COL5A2: variants seen among roughly 807,000 people sequenced by gnomAD.
COL5A2 encodes collagen alpha-2(V) chain.
Under a neutral mutation model 208.2 loss-of-function variants are expected in COL5A2, and 23 were observed. The ratio of observed to expected loss-of-function variants is 0.11; its 90% confidence interval spans 0.08 to 0.16. COL5A2 has a LOEUF of 0.16. Ranked by LOEUF, COL5A2 falls within the 10% of genes least tolerant of loss-of-function variation. COL5A2 has a pLI of 1.00. For missense variants in COL5A2, 1,590 were observed against 1,956.4 expected, an observed-to-expected ratio of 0.81 and a Z score of 3.53; for synonymous variants, 625 against 628.5, an observed-to-expected ratio of 0.99 and a Z score of 0.08.
At chr2:189,431,205 C>G in the COL5A2 span, among the ~76,000 whole-genome samples, 1 of 152,056 alleles carries the variant, frequency 6.6e-6, no homozygotes, top group Admixed American at 6.6e-5. Flanking sequence ...ACATCAAAGA[C>G]CAAAGGTAGA....
Position 189,050,589 on chromosome 2 carries a change from G to A in COL5A2, c.3019C>T (p.Pro1007Ser), listed in dbSNP as rs1388564782. 5.8e-6 allele frequency: 9 copies of A among 1,551,716 alleles called. No homozygotes were observed. In the Admixed American group the frequency reaches 1.6e-4, roughly 27 times the overall value. ...MPGQRGERGM[P>S]GLPGPAGTPG... ...CTCACCGCTGGGCCTGGTAGGCCGGGCATGCCTCTCTCTCCACGTTGCCCA... is the reference window on the plus strand; with the variant it reads ...CTCACCGCTGGGCCTGGTAGGCCGGACATGCCTCTCTCTCCACGTTGCCCA... Residue 1007 changes from proline (P) to serine (S), a missense_variant, in exon 43 of 54, where the codon CCC (proline) becomes TCC (serine). Transcript: ENST00000374866.
chr2:189,034,736 C>T (rs1337042823), intron 53 of COL5A2, among the ~76,000 whole-genome samples, 180 bp downstream of exon 53: 3 of 152,112 alleles, frequency 2.0e-5, no homozygotes, highest in Non-Finnish European at 4.4e-5. Flanking sequence ...TGGATTCAAA[C>T]CTCTATCATG....
intron 1 of COL5A2, among the ~76,000 whole-genome samples, chr2:189,120,747 A>G (rs1459015763): frequency 1.3e-5 from 2 of 152,196 alleles, no homozygotes; most frequent in Non-Finnish European, 2.9e-5. Context: ...AGAATATACC[A>G]GCCATAATAA....
At chr2:189,125,689 A>G (rs1218487592) in intron 1 of COL5A2, among the ~76,000 whole-genome samples, 1 of 152,132 alleles carries the variant, frequency 6.6e-6, no homozygotes, top group Non-Finnish European at 1.5e-5. Flanking sequence ...TAACACAAAC[A>G]ACATATAAAA....
intron 1 of COL5A2, among the ~76,000 whole-genome samples, chr2:189,169,197 A>G (rs1192657161): frequency 6.6e-6 from 1 of 152,202 alleles, no homozygotes; most frequent in African/African-American, 2.4e-5. Context: ...AGAGACTTCT[A>G]TGATTATCAT....
At chr2:189,315,232 C>T in the COL5A2 span, among the ~76,000 whole-genome samples, 1 of 152,160 alleles carries the variant, frequency 6.6e-6, no homozygotes, top group Admixed American at 6.6e-5. Context: ...ATAGCTGATC[C>T]ACCACAATCA....
At chr2:189,230,688 ATAAC>A in the COL5A2 span, among the ~76,000 whole-genome samples, 1 of 151,922 alleles carries the variant, frequency 6.6e-6, no homozygotes, top group Non-Finnish European at 1.5e-5. Context: ...ATAACAGAAA[ATAAC>A]TAGTGTTAGC....
chr2:189,238,971 T>G, the COL5A2 span, among the ~76,000 whole-genome samples: 1 of 152,188 alleles, frequency 6.6e-6, no homozygotes, highest in Non-Finnish European at 1.5e-5. Flanking sequence ...TATTATACTC[T>G]GTTTAAAATA....
At chr2:189,425,879 A>G in the COL5A2 span, among the ~76,000 whole-genome samples, 1 of 152,080 alleles carries the variant, frequency 6.6e-6, no homozygotes, top group Non-Finnish European at 1.5e-5. Context: ...CTATAATTGC[A>G]CATTTCCTGA....
the COL5A2 span, chr2:189,311,736 A>G: frequency 1.3e-6 from 1 of 767,692 alleles, no homozygotes; most frequent in Admixed American, 1.7e-5. Flanking sequence ...CAATCTGCTG[A>G]GACCAGTACT....
intron 1 of COL5A2, among the ~76,000 whole-genome samples, chr2:189,203,715 C>A (rs1689107511): frequency 6.6e-6 from 1 of 152,074 alleles, no homozygotes; most frequent in Non-Finnish European, 1.5e-5. Flanking sequence ...ACTGGTGACT[C>A]TTTAGCCTAA....
chr2:189,188,859 G>T (rs1688888323), intron 1 of COL5A2, among the ~76,000 whole-genome samples: 1 of 152,152 alleles, frequency 6.6e-6, no homozygotes, highest in Non-Finnish European at 1.5e-5. Context: ...TATAGAGAGG[G>T]CAGCACAGGG....
the COL5A2 span, among the ~76,000 whole-genome samples, chr2:189,281,560 A>T: frequency 2.0e-5 from 3 of 152,226 alleles, no homozygotes; most frequent in Non-Finnish European, 4.4e-5. Flanking sequence ...ACTCATCTTC[A>T]TGTTTGATTC....
intron 1 of COL5A2, among the ~76,000 whole-genome samples, chr2:189,213,829 G>T (rs1689246074): frequency 1.3e-5 from 2 of 152,198 alleles, no homozygotes; most frequent in African/African-American, 4.8e-5. Context: ...TCCTCTGCAG[G>T]AAAGTAGAGA....
chr2:189,321,371 A>T, the COL5A2 span, among the ~76,000 whole-genome samples: 1 of 152,164 alleles, frequency 6.6e-6, no homozygotes, highest in Non-Finnish European at 1.5e-5. Context: ...CACAGACTGG[A>T]AAATTGGATA....
chr2:189,162,077 A>T (rs1383788679), intron 1 of COL5A2, among the ~76,000 whole-genome samples: 2 of 152,156 alleles, frequency 1.3e-5, no homozygotes, highest in African/African-American at 4.8e-5. Flanking sequence ...CTGAGCTCCC[A>T]TCCCAGTCCT....
At chr2:189,110,642 C>A (rs1431380326) in intron 1 of COL5A2, among the ~76,000 whole-genome samples, 193 bp from the exon 2 acceptor site, 1 of 151,984 alleles carries the variant, frequency 6.6e-6, no homozygotes, top group South Asian at 2.1e-4. Context: ...GATAATGTAT[C>A]CTTGCATGAT....
At chr2:189,364,149 C>T in the COL5A2 span, among the ~76,000 whole-genome samples, 2 of 152,206 alleles carry the variant, frequency 1.3e-5, no homozygotes, top group African/African-American at 4.8e-5. Flanking sequence ...TACATGAACA[C>T]ACATGTTCTT....
chr2:189,296,719 A>G, the COL5A2 span, among the ~76,000 whole-genome samples: 3 of 152,358 alleles, frequency 2.0e-5, no homozygotes, highest in African/African-American at 4.8e-5. Context: ...AGTATTTACC[A>G]AGATTCTATA....
Sources: gnomAD v4.1 joint callset for allele counts (sites outside exome capture counted in the v4.1 genomes callset) on GRCh38, gnomAD v4.1.1 for gene constraint, MANE v1.5 for transcripts, NCBI Gene and HGNC (gene_info 2026-07-23, HGNC 2026-07-21) for gene names.